PLCB1: variants seen among roughly 807,000 people sequenced by gnomAD.
PLCB1 encodes 1-phosphatidylinositol 4,5-bisphosphate phosphodiesterase beta-1.
A neutral mutation model predicts 161.8 loss-of-function variants in PLCB1; 46 were observed. The ratio of observed to expected loss-of-function variants is 0.28; its 90% CI spans 0.22 to 0.36. The LOEUF (loss-of-function observed/expected upper bound fraction) is 0.36, where lower values mean the gene tolerates loss of function less well. Ranked by LOEUF, PLCB1 falls within the 10% of genes least tolerant of loss-of-function variation. PLCB1 has a pLI of 1.00. For synonymous variants in PLCB1, 517 were observed against 503.7 expected (o/e 1.03, Z -0.35); for missense variants, 1,016 against 1,472.5 (o/e 0.69, Z 5.07).
intron 9 of PLCB1, among the ~76,000 whole-genome samples, chr20:8,662,744 G>A (rs1312866461): frequency 1.3e-5 from 2 of 151,686 alleles, no homozygotes; most frequent in Admixed American, 6.6e-5. Context: ...AAGATGCTTA[G>A]CAAAGGCCCA....
intron 11 of PLCB1, among the ~76,000 whole-genome samples, chr20:8,701,438 A>G (rs984126955): frequency 2.0e-5 from 3 of 152,048 alleles, no homozygotes; most frequent in Non-Finnish European, 4.4e-5. Context: ...TCACCTTCTC[A>G]GTGAGGCCTC....
intron 3 of PLCB1, among the ~76,000 whole-genome samples, chr20:8,406,842 C>T (rs1298110995): frequency 1.3e-5 from 2 of 152,056 alleles, no homozygotes; most frequent in East Asian, 1.9e-4. Context: ...TTTTAAAATC[C>T]GTTTATTGGG....
chr20:8,740,544 A>G (rs769419934), intron 22 of PLCB1, 96 bp downstream of exon 22: 7 of 570,650 alleles, frequency 1.2e-5, no homozygotes, highest in Non-Finnish European at 2.1e-5. Flanking sequence ...ACTGAACCAA[A>G]CAAAGCAGGA....
At chr20:8,791,809 A>G (rs1427872501) in intron 31 of PLCB1, among the ~76,000 whole-genome samples, 1 of 152,214 alleles carries the variant, frequency 6.6e-6, no homozygotes, top group African/African-American at 2.4e-5. Context: ...ATTAAAATCA[A>G]CCTCAGTAAA....
intron 24 of PLCB1, among the ~76,000 whole-genome samples, chr20:8,757,804 T>G (rs1341764497): frequency 6.6e-6 from 1 of 152,056 alleles, no homozygotes; most frequent in Admixed American, 6.6e-5. Flanking sequence ...ACATTCTTGC[T>G]TTTAGCTCCT....
chr20:8,334,392 C>T (rs1327744402), intron 2 of PLCB1, among the ~76,000 whole-genome samples: 1 of 152,172 alleles, frequency 6.6e-6, no homozygotes, highest in Non-Finnish European at 1.5e-5. Flanking sequence ...ATACATAAAA[C>T]ATTTACTATA....
At chr20:8,746,088 T>A (rs910948866) in intron 23 of PLCB1, among the ~76,000 whole-genome samples, 2 of 152,068 alleles carry the variant, frequency 1.3e-5, no homozygotes, top group Non-Finnish European at 2.9e-5. Context: ...CCCACCACCA[T>A]ACCTGGCTAA....
At chr20:8,661,092 G>A (rs1237128719) in intron 9 of PLCB1, among the ~76,000 whole-genome samples, 1 of 152,148 alleles carries the variant, frequency 6.6e-6, no homozygotes, top group African/African-American at 2.4e-5. Flanking sequence ...TCTTCTCAAT[G>A]TTTTGAAGTG....
chr20:8,438,788 G>A (rs1980421535), intron 3 of PLCB1, among the ~76,000 whole-genome samples: 1 of 152,128 alleles, frequency 6.6e-6, no homozygotes, highest in Non-Finnish European at 1.5e-5. Context: ...AAAATCCTTT[G>A]TCCTCACCCC....
intron 31 of PLCB1, among the ~76,000 whole-genome samples, chr20:8,812,559 C>T (rs1178703917): frequency 1.3e-5 from 2 of 152,122 alleles, no homozygotes; most frequent in Non-Finnish European, 2.9e-5. Context: ...GCATCTCGCC[C>T]CAAATGGCCA....
At chr20:8,822,885 C>T (rs1985502172) in intron 31 of PLCB1, among the ~76,000 whole-genome samples, 1 of 152,146 alleles carries the variant, frequency 6.6e-6, no homozygotes, top group South Asian at 2.1e-4. Flanking sequence ...CCTTTGTATC[C>T]ATGGGTTCCA....
intron 2 of PLCB1, among the ~76,000 whole-genome samples, chr20:8,239,668 C>T (rs966950803): frequency 4.2e-4 from 63 of 151,064 alleles, no homozygotes; most frequent in African/African-American, 1.5e-3. Flanking sequence ...GAATAGGGTA[C>T]TGAGTTTATT....
intron 4 of PLCB1, among the ~76,000 whole-genome samples, chr20:8,643,179 T>C (rs1989010257): frequency 6.6e-6 from 1 of 152,172 alleles, no homozygotes; most frequent in Non-Finnish European, 1.5e-5. Flanking sequence ...CTATTACAGC[T>C]TCCTAACTGA....
chr20:8,625,894 A>C (rs1988326367), intron 3 of PLCB1, among the ~76,000 whole-genome samples: 1 of 152,108 alleles, frequency 6.6e-6, no homozygotes, highest in Non-Finnish European at 1.5e-5. Flanking sequence ...AAAGACCAAT[A>C]GTCTTTTAAA....
chr20:8,373,870 TA>T (rs1986985147), intron 3 of PLCB1, among the ~76,000 whole-genome samples: 1 of 152,232 alleles, frequency 6.6e-6, no homozygotes, highest in Non-Finnish European at 1.5e-5. Flanking sequence ...ACTATCAGTT[TA>T]AAATCTTCAA....
At chr20:8,502,611 A>C (rs1354404674) in intron 3 of PLCB1, among the ~76,000 whole-genome samples, 1 of 152,088 alleles carries the variant, frequency 6.6e-6, no homozygotes, top group African/African-American at 2.4e-5. Flanking sequence ...TAGATAAGAA[A>C]ATTTTCGGTT....
At position 8,757,138 on chromosome 20, in the gene PLCB1, C is replaced by G; in HGVS notation, c.2616C>G (p.Pro872=). 1 of 1,613,244 alleles carries G rather than the reference C, an allele frequency of 6.2e-7. No homozygotes were observed. The highest frequency in any genetic ancestry group is 8.5e-7 in the Non-Finnish European group (1 of 1,179,402). ...TGAATCACACTACAACCCTGACACC[C>G]AAGCCACCCTCCCAGGCTCTCCACA... ...NGVNHTTTLT[P]KPPSQALHSQ... is the part of the protein sequence containing the mutation. Residue 872 remains proline (P), a synonymous_variant, in exon 24 of 32, where the codon CCC becomes CCG. Transcript: ENST00000338037.
chr20:8,755,872 A>G (rs566231623), intron 23 of PLCB1, among the ~76,000 whole-genome samples: 2 of 152,374 alleles, frequency 1.3e-5, no homozygotes, highest in South Asian at 4.1e-4. Context: ...AGCCTTGGCT[A>G]CAAGGATCAA....
chr20:8,880,781 A>G (rs6108209), intron 31 of PLCB1: 29,742 of 148,550 alleles, frequency 0.2, 3,759 homozygotes, highest in Middle Eastern at 0.32. Flanking sequence ...AAATGTAAGA[A>G]CCTCAGATCA....
Sources: gnomAD v4.1 joint callset for allele counts (sites outside exome capture counted in the v4.1 genomes callset) on GRCh38, gnomAD v4.1.1 for gene constraint, MANE v1.5 for transcripts, NCBI Gene and HGNC (gene_info 2026-07-23, HGNC 2026-07-21) for gene names.